The following NRG3 variants were observed in gnomAD, a reference collection of about 807,000 sequenced individuals.
The protein encoded by NRG3 is pro-neuregulin-3, membrane-bound isoform.
NRG3 carries 31 observed loss-of-function variants against 66.9 expected under a neutral mutation model. The ratio of observed to expected loss-of-function variants is 0.46; its 90% confidence interval spans 0.35 to 0.63. The LOEUF (loss-of-function observed/expected upper bound fraction) is 0.63. NRG3 is among the 20% of genes least tolerant of loss of function. The pLI is 0.00. For synonymous variants in NRG3, 393 were observed against 359.4 expected (o/e 1.09, Z -1.06); for missense variants, 910 against 878.9 (o/e 1.04, Z -0.45).
chr10:81,964,350 T>C (rs1167638965), intron 1 of NRG3, among the ~76,000 whole-genome samples: 1 of 142,640 alleles, frequency 7.0e-6, no homozygotes, highest in Admixed American at 7.2e-5. Flanking sequence ...GAGCCAAGAT[T>C]GCATCGCTGC....
At chr10:82,963,418 C>T (rs1592108249) in intron 6 of NRG3, among the ~76,000 whole-genome samples, 1 of 152,184 alleles carries the variant, frequency 6.6e-6, no homozygotes, top group African/African-American at 2.4e-5. Context: ...CGGTGGCTCA[C>T]GCCTGTAATC....
At chr10:82,977,548 G>T (rs910395545) in intron 7 of NRG3, among the ~76,000 whole-genome samples, 3 of 150,144 alleles carry the variant, frequency 2.0e-5, no homozygotes, top group African/African-American at 7.4e-5. Flanking sequence ...GGTAGAGGTT[G>T]CAGTGAGCCA....
intron 4 of NRG3, among the ~76,000 whole-genome samples, chr10:82,915,651 C>A (rs1845763147): frequency 6.6e-6 from 1 of 151,870 alleles, no homozygotes; most frequent in Admixed American, 6.6e-5. Context: ...AAATTAGACA[C>A]AAAATGTTCC....
intron 1 of NRG3, among the ~76,000 whole-genome samples, chr10:82,010,825 G>A (rs894536969): frequency 6.6e-6 from 1 of 152,130 alleles, no homozygotes; most frequent in South Asian, 2.1e-4. Flanking sequence ...TCAGGGTCCT[G>A]CAGGGATGTG....
At chr10:82,909,604 G>A (rs1040591766) in intron 4 of NRG3, among the ~76,000 whole-genome samples, 3 of 152,142 alleles carry the variant, frequency 2.0e-5, no homozygotes, top group African/African-American at 7.2e-5. Flanking sequence ...GTAATAAAAT[G>A]ACACATGTGC....
At chr10:82,245,074 T>G (rs1013210168) in intron 1 of NRG3, among the ~76,000 whole-genome samples, 7 of 152,142 alleles carry the variant, frequency 4.6e-5, no homozygotes, top group African/African-American at 1.7e-4. Flanking sequence ...TATCATTACA[T>G]TGTAACATAC....
chr10:82,428,021 CT>C (rs899237947), intron 2 of NRG3, among the ~76,000 whole-genome samples: 1 of 151,844 alleles, frequency 6.6e-6, no homozygotes, highest in African/African-American at 2.4e-5. Flanking sequence ...CCTTATTCTT[CT>C]TATTTTCCTC....
intron 1 of NRG3, among the ~76,000 whole-genome samples, chr10:82,026,933 T>C (rs2062340720): frequency 6.6e-6 from 1 of 152,076 alleles, no homozygotes; most frequent in African/African-American, 2.4e-5. Context: ...TTTTTATATA[T>C]GTTTGCTTGC....
At chr10:82,439,100 A>T (rs1462092445) in intron 2 of NRG3, among the ~76,000 whole-genome samples, 1 of 152,138 alleles carries the variant, frequency 6.6e-6, no homozygotes, top group Admixed American at 6.5e-5. Context: ...AGGTCAATAT[A>T]CTATTATTTG....
chr10:82,041,830 G>C (rs55747190), intron 1 of NRG3, among the ~76,000 whole-genome samples: 1 of 128,840 alleles, frequency 7.8e-6, no homozygotes, highest in Admixed American at 7.9e-5. Flanking sequence ...CTCTCTCTCT[G>C]TCTATTTCAT....
At chr10:82,091,189 G>T (rs961986709) in intron 1 of NRG3, among the ~76,000 whole-genome samples, 1 of 151,984 alleles carries the variant, frequency 6.6e-6, no homozygotes, top group Non-Finnish European at 1.5e-5. Flanking sequence ...CAAACATGTG[G>T]CTTATCCATT....
intron 3 of NRG3, among the ~76,000 whole-genome samples, chr10:82,849,372 G>A (rs771840772): frequency 7.6e-4 from 115 of 152,158 alleles, no homozygotes; most frequent in Admixed American, 1.6e-3. Flanking sequence ...GAGAGGATAC[G>A]TTACTTCTCT....
intron 2 of NRG3, among the ~76,000 whole-genome samples, chr10:82,600,206 CA>C (rs1240474506): frequency 1.3e-5 from 2 of 151,996 alleles, no homozygotes; most frequent in East Asian, 1.9e-4. Context: ...CTGTAAGTAT[CA>C]GGGGGAAATG....
intron 3 of NRG3, among the ~76,000 whole-genome samples, chr10:82,851,381 C>G (rs2063552004): frequency 6.6e-6 from 1 of 152,076 alleles, no homozygotes; most frequent in African/African-American, 2.4e-5. Context: ...CTCATTGGAG[C>G]AGGAGGCAGG....
chr10:82,553,677 C>T (rs1197405559), intron 2 of NRG3, among the ~76,000 whole-genome samples: 2 of 151,948 alleles, frequency 1.3e-5, no homozygotes, highest in Non-Finnish European at 1.5e-5. Context: ...AGCTGGTGCT[C>T]GGAATACCTC....
At chr10:82,220,886 G>T (rs891260027) in intron 1 of NRG3, among the ~76,000 whole-genome samples, 1 of 152,084 alleles carries the variant, frequency 6.6e-6, no homozygotes, top group Non-Finnish European at 1.5e-5. Flanking sequence ...AGTTCCAGCT[G>T]CTTCAGAGGA....
intron 4 of NRG3, 127 bp downstream of exon 4, chr10:82,865,564 AAT>A (rs1840634165): frequency 1.1e-6 from 1 of 920,260 alleles, no homozygotes; most frequent in African/African-American, 1.7e-5. Context: ...AGTAGGAAAA[AAT>A]ACTCTTGTCG....
intron 3 of NRG3, among the ~76,000 whole-genome samples, chr10:82,774,454 T>C (rs2059822648): frequency 6.6e-6 from 1 of 152,158 alleles, no homozygotes; most frequent in South Asian, 2.1e-4. Context: ...ATTGTATTAT[T>C]GGTTTGTTTA....
At chr10:82,025,240 A>G (rs2062245818) in intron 1 of NRG3, among the ~76,000 whole-genome samples, 1 of 150,556 alleles carries the variant, frequency 6.6e-6, no homozygotes, top group Admixed American at 6.6e-5. Context: ...TAAATATCTT[A>G]TTAATATTTT....
Sources: allele counts gnomAD v4.1 joint callset (sites outside exome capture counted in the v4.1 genomes callset), GRCh38; gene constraint gnomAD v4.1.1; transcripts MANE v1.5; gene names NCBI Gene and HGNC (gene_info 2026-07-23, HGNC 2026-07-21).